Variants in XKR6 observed in about 807,000 individuals in gnomAD.
XKR6 encodes the protein XK-related protein 6.
Under a neutral mutation model 56.7 loss-of-function variants are expected in XKR6, and 22 were observed. The ratio of observed to expected loss-of-function variants is 0.39; its 90% CI spans 0.28 to 0.55. XKR6 has a LOEUF of 0.55. XKR6 is among the 20% of genes least tolerant of loss of function. XKR6 has a pLI of 0.66. For synonymous variants in XKR6, 524 were observed against 387.8 expected (o/e 1.35, Z -4.13); for missense variants, 852 against 889.0 (o/e 0.96, Z 0.53).
At chr8:11,116,338 C>T (rs981878523) in intron 1 of XKR6, among the ~76,000 whole-genome samples, 1 of 152,172 alleles carries the variant, frequency 6.6e-6, no homozygotes. Context: ...CACAGAGAAC[C>T]TGTCGGCTAC....
chr8:11,151,695 G>C (rs1358881872), intron 1 of XKR6, among the ~76,000 whole-genome samples: 1 of 145,004 alleles, frequency 6.9e-6, no homozygotes, highest in Non-Finnish European at 1.5e-5. Flanking sequence ...CTTTGAACAA[G>C]TTTTTTTTTT....
intron 1 of XKR6, among the ~76,000 whole-genome samples, chr8:11,018,749 C>A (rs983099387): frequency 6.6e-5 from 10 of 152,176 alleles, no homozygotes; most frequent in African/African-American, 2.4e-4. Flanking sequence ...CCATTAAGCT[C>A]CTGCCCCAAA....
At chr8:11,161,477 C>G (rs995499037) in intron 1 of XKR6, among the ~76,000 whole-genome samples, 2 of 152,228 alleles carry the variant, frequency 1.3e-5, no homozygotes, top group African/African-American at 4.8e-5. Context: ...TAACTTGCAT[C>G]TCACAAACTA....
At chr8:10,989,005 C>T (rs909843329) in intron 1 of XKR6, among the ~76,000 whole-genome samples, 2 of 152,194 alleles carry the variant, frequency 1.3e-5, no homozygotes, top group African/African-American at 4.8e-5. Context: ...AGATTCCGTT[C>T]CAACAATCAC....
chr8:11,077,250 G>C (rs537581643), intron 1 of XKR6, among the ~76,000 whole-genome samples: 55 of 152,258 alleles, frequency 3.6e-4, no homozygotes, highest in Middle Eastern at 3.4e-3. Flanking sequence ...AGTGGCTTTG[G>C]GGTCCAAAGC....
intron 1 of XKR6, among the ~76,000 whole-genome samples, chr8:11,086,776 T>C (rs1797906642): frequency 1.3e-5 from 2 of 152,166 alleles, no homozygotes; most frequent in South Asian, 4.1e-4. Context: ...AGACTTCAAA[T>C]GAAAAGTAAG....
At chr8:11,159,462 C>T (rs1328185894) in intron 1 of XKR6, among the ~76,000 whole-genome samples, 2 of 152,246 alleles carry the variant, frequency 1.3e-5, no homozygotes, top group Non-Finnish European at 2.9e-5. Flanking sequence ...AGCTGCCCCG[C>T]CTCACTTTCT....
At chr8:10,982,099 T>C (rs1203357658) in intron 1 of XKR6, among the ~76,000 whole-genome samples, 9 of 152,192 alleles carry the variant, frequency 5.9e-5, no homozygotes, top group African/African-American at 2.2e-4. Context: ...AGGTAGAAAA[T>C]GCAATCAATG....
At position 10,989,788 on chromosome 8, in the gene XKR6, T is replaced by C. The variant is rs560772995; in HGVS notation, c.765-64958A>G. Among the ~76,000 whole-genome samples, 9 of 152,328 alleles carry C rather than the reference T, an allele frequency of 5.9e-5. No individual in the cohort carries two copies. The South Asian group carries it at 1.7e-3, about 28-fold the overall frequency. On this transcript the variant is annotated intron_variant, in intron 1 of 2. Transcript: ENST00000416569. Reference sequence around the variant, plus strand: ...GGTGACATGGGAGGCAAATATTCTGTCTGGGTCACAGACTATTAGGAAGAA... The same window carrying C: ...GGTGACATGGGAGGCAAATATTCTGCCTGGGTCACAGACTATTAGGAAGAA...
chr8:11,198,011 T>C (rs1803984334), intron 1 of XKR6, among the ~76,000 whole-genome samples: 1 of 152,178 alleles, frequency 6.6e-6, no homozygotes, highest in African/African-American at 2.4e-5. Context: ...AACCAAATGA[T>C]AGAAATATTA....
At chr8:11,011,332 G>A (rs1398370997) in intron 1 of XKR6, among the ~76,000 whole-genome samples, 5 of 152,206 alleles carry the variant, frequency 3.3e-5, no homozygotes, top group African/African-American at 4.8e-5. Flanking sequence ...AAGGCTTCCC[G>A]GGGGAGGTGG....
chr8:11,042,215 C>A (rs1026000353), intron 1 of XKR6, among the ~76,000 whole-genome samples: 1 of 151,970 alleles, frequency 6.6e-6, no homozygotes, highest in African/African-American at 2.4e-5. Flanking sequence ...TGCTTGGGAC[C>A]AGAAGTGTTT....
At chr8:10,975,858 G>A (rs1251812372) in intron 1 of XKR6, among the ~76,000 whole-genome samples, 1 of 152,108 alleles carries the variant, frequency 6.6e-6, no homozygotes, top group Non-Finnish European at 1.5e-5. Flanking sequence ...CAATCTCCAA[G>A]CCTCCCTCAT....
intron 1 of XKR6, chr8:11,106,234 A>AT (rs1451204861): frequency 6.6e-6 from 1 of 152,194 alleles, no homozygotes; most frequent in African/African-American, 2.4e-5. Flanking sequence ...AATCTGGCCT[A>AT]TTTTTTGATG....
intron 1 of XKR6, among the ~76,000 whole-genome samples, chr8:11,144,529 C>A (rs1346282960): frequency 1.3e-5 from 2 of 151,880 alleles, no homozygotes; most frequent in Non-Finnish European, 2.9e-5. Context: ...CACAGGATGG[C>A]GCTAAGAGCT....
At chr8:11,132,615 A>G (rs1800160353) in intron 1 of XKR6, among the ~76,000 whole-genome samples, 1 of 151,940 alleles carries the variant, frequency 6.6e-6, no homozygotes, top group African/African-American at 2.4e-5. Context: ...ACCCACCTCG[A>G]TCTCCCAAAG....
At chr8:11,179,020 C>CTTTTTTT (rs35214787) in intron 1 of XKR6, among the ~76,000 whole-genome samples, 15 of 104,512 alleles carry the variant, frequency 1.4e-4, no homozygotes, top group East Asian at 4.5e-4. Flanking sequence ...TTTTCTTTTT[C>CTTTTTTT]TTTTTTTTTT....
At chr8:11,036,965 T>C (rs1021361456) in intron 1 of XKR6, among the ~76,000 whole-genome samples, 1 of 152,216 alleles carries the variant, frequency 6.6e-6, no homozygotes, top group Non-Finnish European at 1.5e-5. Flanking sequence ...TCTCCCCTGC[T>C]TGAGAAGCCC....
chr8:11,185,456 C>A (rs1047373387), intron 1 of XKR6, among the ~76,000 whole-genome samples: 2 of 152,170 alleles, frequency 1.3e-5, no homozygotes, highest in African/African-American at 4.8e-5. Flanking sequence ...TAAGAACTCA[C>A]TGATGACAGT....
Sources: gnomAD v4.1 joint callset for allele counts (sites outside exome capture counted in the v4.1 genomes callset) on GRCh38, gnomAD v4.1.1 for gene constraint, MANE v1.5 for transcripts, NCBI Gene and HGNC (gene_info 2026-07-23, HGNC 2026-07-21) for gene names.